The following SEMA5A variants were observed in gnomAD, a reference collection of about 807,000 sequenced individuals.
SEMA5A encodes the protein semaphorin 5A.
Under a neutral mutation model 135.5 loss-of-function variants are expected in SEMA5A, and 55 were observed. That is an observed-to-expected ratio of 0.41 (90% CI 0.33 to 0.51). SEMA5A has a LOEUF of 0.51. SEMA5A is among the 20% of genes least tolerant of loss of function. The pLI is 0.37. For missense variants in SEMA5A, 1,290 were observed against 1,419.9 expected (o/e 0.91, Z 1.47); for synonymous variants, 580 against 546.5 (o/e 1.06, Z -0.85).
At chr5:9,528,388 TG>T (rs1737254799) in intron 1 of SEMA5A, among the ~76,000 whole-genome samples, 2 of 152,262 alleles carry the variant, frequency 1.3e-5, no homozygotes, top group South Asian at 4.1e-4. Context: ...ACATGAGAAA[TG>T]GGGTGGGAGA....
At chr5:9,430,868 G>A (rs1289153180) in intron 2 of SEMA5A, among the ~76,000 whole-genome samples, 2 of 151,552 alleles carry the variant, frequency 1.3e-5, no homozygotes, top group Non-Finnish European at 2.9e-5. Flanking sequence ...TAGCAAAGAG[G>A]AGATAAATGT....
chr5:9,531,459 C>T (rs933216107), intron 1 of SEMA5A, among the ~76,000 whole-genome samples: 2 of 152,166 alleles, frequency 1.3e-5, no homozygotes, highest in African/African-American at 4.8e-5. Context: ...TGGGCATGTA[C>T]CTTTGAAGCT....
intron 7 of SEMA5A, among the ~76,000 whole-genome samples, chr5:9,225,999 A>G (rs1170969571): frequency 6.6e-6 from 1 of 152,100 alleles, no homozygotes; most frequent in African/African-American, 2.4e-5. Context: ...GGGGGCCCCA[A>G]AGAGTAGCGA....
At chr5:9,526,487 A>G (rs150879843) in intron 1 of SEMA5A, among the ~76,000 whole-genome samples, 1 of 152,336 alleles carries the variant, frequency 6.6e-6, no homozygotes, top group Non-Finnish European at 1.5e-5. Flanking sequence ...ACTGCCTGGT[A>G]AAGACTTCAG....
chr5:9,400,636 A>G (rs1477508326), intron 2 of SEMA5A, among the ~76,000 whole-genome samples: 2 of 108,598 alleles, frequency 1.8e-5, no homozygotes, highest in Non-Finnish European at 3.7e-5. Flanking sequence ...CCTCCCAAGT[A>G]GCTGGGACTA....
intron 1 of SEMA5A, among the ~76,000 whole-genome samples, chr5:9,502,988 A>G (rs917985797): frequency 6.6e-6 from 1 of 152,218 alleles, no homozygotes; most frequent in African/African-American, 2.4e-5. Flanking sequence ...GTTTTATTTC[A>G]GTGAAGGCAT....
intron 17 of SEMA5A, among the ~76,000 whole-genome samples, chr5:9,066,002 A>G (rs1191214716): frequency 6.6e-6 from 1 of 152,252 alleles, no homozygotes; most frequent in Non-Finnish European, 1.5e-5. Flanking sequence ...ATCCTTTTAT[A>G]GGTACAAAGA....
intron 8 of SEMA5A, among the ~76,000 whole-genome samples, chr5:9,224,236 A>C (rs910008562): frequency 1.3e-5 from 2 of 152,174 alleles, no homozygotes; most frequent in Non-Finnish European, 2.9e-5. Context: ...TAATTGTCAT[A>C]CTTTTTGGAG....
At chr5:9,137,001 T>C (rs768907486) in intron 12 of SEMA5A, among the ~76,000 whole-genome samples, 48 of 152,222 alleles carry the variant, frequency 3.2e-4, no homozygotes, top group Non-Finnish European at 6.3e-4. Context: ...ACAACATGTA[T>C]TATTTGTTTA....
At chr5:9,065,617 C>T (rs954571538) in intron 17 of SEMA5A, among the ~76,000 whole-genome samples, 2 of 152,200 alleles carry the variant, frequency 1.3e-5, no homozygotes, top group South Asian at 4.1e-4. Context: ...AAACTGTGTA[C>T]CAAGGACCCA....
chr5:9,407,573 C>T (rs1200184654), intron 2 of SEMA5A, among the ~76,000 whole-genome samples: 1 of 152,162 alleles, frequency 6.6e-6, no homozygotes. Context: ...TATTTTGGTC[C>T]CATAAGCTAC....
chr5:9,328,361 G>A (rs935719715), intron 4 of SEMA5A, among the ~76,000 whole-genome samples: 9 of 152,322 alleles, frequency 5.9e-5, no homozygotes, highest in Middle Eastern at 3.4e-3. Flanking sequence ...TATGGTGGAC[G>A]TATCTTCCTA....
intron 17 of SEMA5A, among the ~76,000 whole-genome samples, chr5:9,064,060 C>G (rs1021034974): frequency 6.6e-6 from 1 of 152,188 alleles, no homozygotes; most frequent in Admixed American, 6.5e-5. Flanking sequence ...GTGCCAACAG[C>G]TCTCAGTGTT....
intron 8 of SEMA5A, among the ~76,000 whole-genome samples, chr5:9,221,499 T>C (rs1746980154): frequency 6.6e-6 from 1 of 151,722 alleles, no homozygotes; most frequent in East Asian, 2.0e-4. Context: ...AGACGGGGTT[T>C]CACAGTGTTA....
chr5:9,081,349 A>G (rs1442509638), intron 16 of SEMA5A, among the ~76,000 whole-genome samples: 3 of 152,194 alleles, frequency 2.0e-5, no homozygotes, highest in African/African-American at 7.2e-5. Flanking sequence ...TACATGTAGT[A>G]TTAAACAACT....
At chr5:9,349,296 G>A (rs953994712) in intron 3 of SEMA5A, among the ~76,000 whole-genome samples, 2 of 152,102 alleles carry the variant, frequency 1.3e-5, no homozygotes, top group African/African-American at 4.8e-5. Context: ...AAAATACTGG[G>A]GCAGCACAAT....
intron 5 of SEMA5A, among the ~76,000 whole-genome samples, chr5:9,290,773 A>G (rs898194807): frequency 6.6e-6 from 1 of 152,218 alleles, no homozygotes; most frequent in Non-Finnish European, 1.5e-5. Flanking sequence ...CTCTTTAAAT[A>G]TGTTGCCACT....
chr5:9,361,781 C>T (rs1325535596), intron 3 of SEMA5A, among the ~76,000 whole-genome samples: 1 of 152,146 alleles, frequency 6.6e-6, no homozygotes, highest in East Asian at 1.9e-4. Context: ...GATCTAGGGT[C>T]CAAATTCTGT....
chr5:9,417,267 T>A (rs984241798), intron 2 of SEMA5A, among the ~76,000 whole-genome samples: 42 of 152,196 alleles, frequency 2.8e-4, no homozygotes, highest in Non-Finnish European at 1.9e-4. Flanking sequence ...TTCCAAAGGA[T>A]TTTTTTAGTA....
Sources: gnomAD v4.1 joint callset for allele counts (sites outside exome capture counted in the v4.1 genomes callset) on GRCh38, gnomAD v4.1.1 for gene constraint, MANE v1.5 for transcripts, NCBI Gene and HGNC (gene_info 2026-07-23, HGNC 2026-07-21) for gene names.